The following CDH18 variants were observed in gnomAD, a reference collection of about 807,000 sequenced individuals.
CDH18 encodes cadherin-18.
In CDH18, 31 loss-of-function variants were observed where a neutral mutation model predicts 67.9. The observed-to-expected ratio is 0.46, with a 90% CI of 0.34 to 0.62. The LOEUF (loss-of-function observed/expected upper bound fraction) is 0.62, where lower values mean the gene tolerates loss of function less well. CDH18 is among the 20% of genes least tolerant of loss of function. The pLI is 0.01. For synonymous variants in CDH18, 362 were observed against 347.2 expected (o/e 1.04, Z -0.48); for missense variants, 890 against 975.5 (o/e 0.91, Z 1.17).
intron 2 of CDH18, among the ~76,000 whole-genome samples, chr5:20,009,763 A>G (rs916916573): frequency 9.2e-5 from 14 of 152,138 alleles, no homozygotes; most frequent in Non-Finnish European, 2.1e-4. Flanking sequence ...AAATGTGGTA[A>G]TATTTGTCCA....
chr5:19,955,158 C>G (rs1481317286), intron 2 of CDH18, among the ~76,000 whole-genome samples: 2 of 152,054 alleles, frequency 1.3e-5, no homozygotes, highest in Admixed American at 1.3e-4. Context: ...GTTTGCTTCC[C>G]CTTCCACCAT....
At chr5:19,783,485 T>A (rs1485603116) in intron 3 of CDH18, among the ~76,000 whole-genome samples, 1 of 152,178 alleles carries the variant, frequency 6.6e-6, no homozygotes, top group Admixed American at 6.6e-5. Context: ...TGACAGGAGT[T>A]TAAATAACTG....
intron 3 of CDH18, among the ~76,000 whole-genome samples, chr5:19,835,814 GT>G (rs1216400388): frequency 1.3e-5 from 2 of 152,090 alleles, no homozygotes; most frequent in Non-Finnish European, 2.9e-5. Flanking sequence ...ACACTTTCAT[GT>G]TTGACCTTTT....
At chr5:19,636,502 A>C (rs1753171078) in intron 5 of CDH18, among the ~76,000 whole-genome samples, 1 of 151,956 alleles carries the variant, frequency 6.6e-6, no homozygotes, top group Non-Finnish European at 1.5e-5. Flanking sequence ...TTTGAGTGTA[A>C]AAAATAATGT....
intron 1 of CDH18, among the ~76,000 whole-genome samples, chr5:20,407,443 T>A (rs1746373125): frequency 6.8e-6 from 1 of 147,682 alleles, no homozygotes; most frequent in African/African-American, 2.5e-5. Context: ...TTGAAGTCAA[T>A]CCATGAAGAT....
At chr5:19,770,983 A>C (rs1773663586) in intron 3 of CDH18, among the ~76,000 whole-genome samples, 1 of 152,216 alleles carries the variant, frequency 6.6e-6, no homozygotes, top group South Asian at 2.1e-4. Context: ...AGTCCAGTTA[A>C]AAATGGACAC....
chr5:19,961,694 ATTATT>A (rs1178939093), intron 2 of CDH18, among the ~76,000 whole-genome samples: 5 of 152,022 alleles, frequency 3.3e-5, no homozygotes, highest in African/African-American at 1.2e-4. Flanking sequence ...TCATGATTAC[ATTATT>A]TTGTCTGTTG....
chr5:19,833,895 T>G (rs114836228), intron 3 of CDH18, among the ~76,000 whole-genome samples: 5,450 of 131,688 alleles, frequency 0.041, 318 homozygotes, highest in African/African-American at 0.15. Flanking sequence ...TGAGTAAGTT[T>G]TTTGATGTGC....
intron 3 of CDH18, among the ~76,000 whole-genome samples, chr5:19,758,772 T>A (rs1373153984): frequency 6.6e-6 from 1 of 152,182 alleles, no homozygotes; most frequent in Non-Finnish European, 1.5e-5. Flanking sequence ...TTTACTGAAG[T>A]AGAAGGTCCT....
intron 2 of CDH18, among the ~76,000 whole-genome samples, chr5:20,156,268 A>T (rs2126591423): frequency 6.6e-6 from 1 of 152,294 alleles, no homozygotes; most frequent in African/African-American, 2.4e-5. Flanking sequence ...TACATCCAAA[A>T]GATACGCTCG....
chr5:19,531,444 C>G (rs1205515825), intron 9 of CDH18, among the ~76,000 whole-genome samples: 2 of 151,810 alleles, frequency 1.3e-5, no homozygotes, highest in Non-Finnish European at 2.9e-5. Flanking sequence ...GGAAAAATAC[C>G]CTGGCAACAC....
chr5:20,476,982 C>A (rs943487965), intron 1 of CDH18, among the ~76,000 whole-genome samples: 3 of 151,910 alleles, frequency 2.0e-5, no homozygotes, highest in African/African-American at 7.3e-5. Flanking sequence ...CTTTTCCTTG[C>A]GTTTGTGTCT....
intron 1 of CDH18, among the ~76,000 whole-genome samples, chr5:20,265,553 G>A (rs1204737823): frequency 6.6e-6 from 1 of 151,844 alleles, no homozygotes; most frequent in Non-Finnish European, 1.5e-5. Flanking sequence ...TAAGAACATG[G>A]ACTTAGACCA....
At chr5:19,675,491 C>T (rs1759361605) in intron 5 of CDH18, among the ~76,000 whole-genome samples, 1 of 152,036 alleles carries the variant, frequency 6.6e-6, no homozygotes, top group African/African-American at 2.4e-5. Context: ...CAGGGATGTT[C>T]CTTGCTGAGA....
intron 11 of CDH18, among the ~76,000 whole-genome samples, chr5:19,485,267 T>TC (rs1244692961): frequency 2.6e-5 from 4 of 151,656 alleles, no homozygotes; most frequent in African/African-American, 9.7e-5. Context: ...TCTTTTTTTT[T>TC]TTTTTTTAGA....
chr5:20,320,610 C>A (rs896381263), intron 1 of CDH18, among the ~76,000 whole-genome samples: 6 of 152,200 alleles, frequency 3.9e-5, no homozygotes, highest in Non-Finnish European at 8.8e-5. Flanking sequence ...CATTATCTCA[C>A]TCACTGCCCC....
chr5:19,996,717 G>A (rs1344551184), intron 2 of CDH18, among the ~76,000 whole-genome samples: 1 of 151,686 alleles, frequency 6.6e-6, no homozygotes, highest in Non-Finnish European at 1.5e-5. Context: ...CATAATTTCT[G>A]TTCATATCCA....
At chr5:19,992,470 G>C (rs1235022831), upstream of CDH18, among the ~76,000 whole-genome samples, 2 of 149,614 alleles carry the variant, frequency 1.3e-5, no homozygotes, top group Admixed American at 6.6e-5. Context: ...AAAAACAACT[G>C]TGGGTAAACT....
At chr5:19,696,468 G>A (rs1580921260) in intron 5 of CDH18, among the ~76,000 whole-genome samples, 4 of 151,660 alleles carry the variant, frequency 2.6e-5, no homozygotes, top group South Asian at 4.2e-4. Flanking sequence ...CCTGCGAGGC[G>A]GAGTTTGCAG....
Sources: gnomAD v4.1 joint callset for allele counts (sites outside exome capture counted in the v4.1 genomes callset) on GRCh38, gnomAD v4.1.1 for gene constraint, MANE v1.5 for transcripts, NCBI Gene and HGNC (gene_info 2026-07-23, HGNC 2026-07-21) for gene names.